The following WRN variants were observed in gnomAD, a reference collection of about 807,000 sequenced individuals.
The protein encoded by WRN is WRN RecQ like helicase.
WRN carries 149 observed loss-of-function variants against 180.7 expected under a neutral mutation model. That is an observed-to-expected ratio of 0.82 (90% CI 0.72 to 0.94). The LOEUF (loss-of-function observed/expected upper bound fraction) is 0.94, where lower values mean the gene tolerates loss of function less well. Among genes scored for constraint, WRN ranks in the 40% least tolerant of loss-of-function variants. The pLI is 0.00. For synonymous variants in WRN, 548 were observed against 568.9 expected, an observed-to-expected ratio of 0.96 and a Z score of 0.52; for missense variants, 1,661 against 1,700.1, an observed-to-expected ratio of 0.98 and a Z score of 0.40.
At chr8:31,053,929 CAT>C (rs1358294698) in intron 1 of WRN, among the ~76,000 whole-genome samples, 3 of 152,140 alleles carry the variant, frequency 2.0e-5, no homozygotes, top group African/African-American at 7.2e-5. Context: ...AATAAATTAA[CAT>C]GTTTCTTAAT....
chr8:31,091,638 C>T (rs572626561), intron 15 of WRN, among the ~76,000 whole-genome samples, 192 bp from the exon 16 acceptor site: 23 of 152,122 alleles, frequency 1.5e-4, no homozygotes, highest in African/African-American at 5.3e-4. Flanking sequence ...CTTTCAAAGA[C>T]CCACCTTAAA....
intron 21 of WRN, among the ~76,000 whole-genome samples, chr8:31,122,343 T>G (rs534236976): frequency 7.7e-4 from 117 of 152,066 alleles, no homozygotes; most frequent in Non-Finnish European, 1.4e-3. Flanking sequence ...ATGAAGTTGC[T>G]GGTTCTCACC....
intron 12 of WRN, among the ~76,000 whole-genome samples, chr8:31,088,581 G>A (rs1239744278): frequency 6.6e-6 from 1 of 151,916 alleles, no homozygotes; most frequent in Non-Finnish European, 1.5e-5. Flanking sequence ...CATTTGGATT[G>A]GTATATTGCT....
chr8:31,156,225 A>G (rs1585535259), intron 32 of WRN, among the ~76,000 whole-genome samples: 1 of 152,224 alleles, frequency 6.6e-6, no homozygotes, highest in Non-Finnish European at 1.5e-5. Flanking sequence ...ATGCTCAGCC[A>G]TAATATGGGG....
chr8:31,157,683 T>G (rs1253011863), intron 33 of WRN, among the ~76,000 whole-genome samples, 153 bp downstream of exon 33: 3 of 152,210 alleles, frequency 2.0e-5, no homozygotes, highest in Non-Finnish European at 4.4e-5. Flanking sequence ...AAAACAATCT[T>G]TCTTCCCATT....
intron 3 of WRN, among the ~76,000 whole-genome samples, chr8:31,061,164 T>C (rs939302413): frequency 1.3e-5 from 2 of 152,146 alleles, no homozygotes; most frequent in Non-Finnish European, 2.9e-5. Flanking sequence ...TCTTTCTTCC[T>C]TTTTTTCTTT....
intron 3 of WRN, 74 bp downstream of exon 3, chr8:31,059,339 A>G: frequency 8.0e-7 from 1 of 1,249,382 alleles, no homozygotes; most frequent in Middle Eastern, 1.9e-4. Context: ...ATGTTTGTGA[A>G]TATACTGAGT....
rs151046764 is a variant in WRN at position 31,163,619 on chromosome 8, T to C, written c.3983-3403T>C. Reference sequence around the variant, plus strand: ...AACAAATTAACTTATTTATAATCAGTTTCATATCTTTATTTATTGAGTGTC... The same window carrying C: ...AACAAATTAACTTATTTATAATCAGCTTCATATCTTTATTTATTGAGTGTC... On this transcript the variant is annotated intron_variant, in intron 33 of 34. Coordinates refer to ENST00000298139, the MANE Select transcript of WRN (RefSeq NM_000553.6). Among the ~76,000 whole-genome samples the C allele has an allele frequency of 4.7e-4, 71 of 152,242 alleles. No homozygotes were observed. In the East Asian group the frequency reaches 0.012, roughly 26 times the overall value.
rs180951501 is a variant in WRN at position 31,064,585 on chromosome 8, C to G, written c.355+151C>G. On this transcript the variant is annotated intron_variant, in intron 4 of 34. Coordinates refer to ENST00000298139, the MANE Select transcript of WRN (RefSeq NM_000553.6). ...ATGTTCTACCTGATTCACTCACATTCCTTGTTTTATTTAATTTTCACAACA... is the reference window on the plus strand; with the variant it reads ...ATGTTCTACCTGATTCACTCACATTGCTTGTTTTATTTAATTTTCACAACA... 9.2e-5 allele frequency: 110 copies of G among 1,199,832 alleles called. No individual in the cohort carries two copies. In the East Asian group the frequency reaches 2.7e-3, roughly 29 times the overall value. The allele number at this position is 1,199,832 out of a possible 1,614,324, so 74.3% of individuals were successfully genotyped here.
chr8:31,038,889 G>A (rs1000694529), intron 1 of WRN, among the ~76,000 whole-genome samples: 5 of 152,138 alleles, frequency 3.3e-5, no homozygotes, highest in African/African-American at 1.2e-4. Flanking sequence ...GGTGGTAAAT[G>A]TATGGATTTA....
chr8:31,107,899 C>T (rs1482190505), intron 18 of WRN, among the ~76,000 whole-genome samples: 1 of 152,182 alleles, frequency 6.6e-6, no homozygotes, highest in South Asian at 2.1e-4. Flanking sequence ...CTATTACTTT[C>T]TCCCCAGTAT....
chr8:31,161,359 G>T (rs770608748), intron 33 of WRN, among the ~76,000 whole-genome samples: 1 of 152,142 alleles, frequency 6.6e-6, no homozygotes, highest in Admixed American at 6.6e-5. Context: ...ACCTCACAGG[G>T]TGGACTTAAA....
At chr8:31,140,170 G>A (rs920091757) in intron 24 of WRN, among the ~76,000 whole-genome samples, 1 of 151,532 alleles carries the variant, frequency 6.6e-6, no homozygotes, top group Non-Finnish European at 1.5e-5. Flanking sequence ...GGAACAACAG[G>A]TACACACCAC....
intron 18 of WRN, among the ~76,000 whole-genome samples, chr8:31,107,359 A>C (rs1298576654): frequency 1.3e-5 from 2 of 152,198 alleles, no homozygotes; most frequent in Admixed American, 1.3e-4. Context: ...AAGGAGTTTT[A>C]AATATTTTAT....
intron 19 of WRN, among the ~76,000 whole-genome samples, chr8:31,115,143 G>A (rs553260756): frequency 1.3e-5 from 2 of 152,232 alleles, no homozygotes; most frequent in Non-Finnish European, 2.9e-5. Context: ...TAATCCGCCC[G>A]CCTTGGCATC....
At chr8:31,060,935 C>T (rs1364496878) in intron 3 of WRN, among the ~76,000 whole-genome samples, 1 of 152,108 alleles carries the variant, frequency 6.6e-6, no homozygotes, top group African/African-American at 2.4e-5. Context: ...TATGATGTGC[C>T]CTTGTGTAAT....
At chr8:31,086,078 GT>G (rs1813518163) in intron 11 of WRN, among the ~76,000 whole-genome samples, 1 of 151,666 alleles carries the variant, frequency 6.6e-6, no homozygotes. Flanking sequence ...TCTTTGTCAG[GT>G]GTTACTAACC....
chr8:31,154,161 T>A lies in WRN; in HGVS notation c.3688-463T>A, dbSNP rs960345429. ...TTTATAGAATACTTAGATTTCTAGT[T>A]GGGATGTATCATTTAAAATTAGATA... On this transcript the variant is annotated intron_variant, in intron 31 of 34. Coordinates refer to ENST00000298139, the MANE Select transcript of WRN (RefSeq NM_000553.6). 3.3e-5 allele frequency among the ~76,000 whole-genome samples: 5 copies of A among 151,902 alleles called. No individual in the cohort carries two copies. In the East Asian group the frequency reaches 9.6e-4, roughly 29 times the overall value.
At chr8:31,065,599 A>G (rs1006019618) in intron 5 of WRN, among the ~76,000 whole-genome samples, 2 of 152,008 alleles carry the variant, frequency 1.3e-5, no homozygotes, top group Non-Finnish European at 1.5e-5. Flanking sequence ...ATAGTATTCC[A>G]TGGTGTATAT....
Sources: allele counts gnomAD v4.1 joint callset (sites outside exome capture counted in the v4.1 genomes callset), GRCh38; gene constraint gnomAD v4.1.1; transcripts MANE v1.5; gene names NCBI Gene and HGNC (gene_info 2026-07-23, HGNC 2026-07-21).